The following SPIDR variants were observed in gnomAD, a reference collection of about 807,000 sequenced individuals.
SPIDR encodes the protein scaffold protein involved in DNA repair.
A neutral mutation model predicts 104.6 loss-of-function variants in SPIDR; 93 were observed. The observed-to-expected ratio is 0.89, with a 90% CI of 0.75 to 1.06. SPIDR has a LOEUF of 1.06. SPIDR is among the 50% of genes least tolerant of loss of function. The pLI, the probability that SPIDR is intolerant of heterozygous loss-of-function variation, is 0.00. For missense variants in SPIDR, 1,154 were observed against 1,111.2 expected (o/e 1.04, Z -0.55); for synonymous variants, 431 against 416.9 (o/e 1.03, Z -0.41).
At chr8:47,585,968 TA>T (rs2060210811) in intron 8 of SPIDR, among the ~76,000 whole-genome samples, 1 of 152,310 alleles carries the variant, frequency 6.6e-6, no homozygotes, top group Admixed American at 6.5e-5. Context: ...ATTCAAACCA[TA>T]GCAACCAAAA....
chr8:47,333,557 C>T (rs2049150981), intron 5 of SPIDR, among the ~76,000 whole-genome samples: 1 of 152,150 alleles, frequency 6.6e-6, no homozygotes, highest in South Asian at 2.1e-4. Flanking sequence ...CCACCTCAGC[C>T]TCCCAAAGTT....
chr8:47,428,646 G>A (rs1320428416), intron 7 of SPIDR, among the ~76,000 whole-genome samples: 2 of 152,072 alleles, frequency 1.3e-5, no homozygotes, highest in South Asian at 2.1e-4. Context: ...TAAGAAATGC[G>A]AATAACACGG....
intron 16 of SPIDR, among the ~76,000 whole-genome samples, chr8:47,722,070 T>C (rs561783940): frequency 2.8e-4 from 43 of 152,360 alleles, no homozygotes; most frequent in African/African-American, 9.6e-4. Context: ...AAGAGTTTTT[T>C]AGTTTTCCTC....
rs997563743 is a variant in SPIDR, at chr8:47,581,639, C to T, written c.1098-14172C>T. On this transcript the variant is annotated intron_variant, in intron 8 of 19. Coordinates refer to ENST00000297423, the MANE Select transcript of SPIDR (RefSeq NM_001080394.4). ...CCCAGAGTTGAAACTGAATTGTAAA[C>T]GACATTATCCCAAGCATGCCTTCCA... 3.9e-5 allele frequency among the ~76,000 whole-genome samples: 6 copies of T among 152,010 alleles called. 1 individual carries two copies. The highest frequency in any genetic ancestry group is 1.4e-4 in the African/African-American group (6 of 41,382).
Position 47,595,520 on chromosome 8 carries a change from G to A in SPIDR, c.1098-291G>A, listed in dbSNP as rs530828234. ...CTGTGACAGTTTTTGTTTATCCTCC[G>A]TATTTCCCCCTGAGGGGTCTTGAGG... On this transcript the variant is annotated intron_variant, in intron 8 of 19. Coordinates refer to ENST00000297423, the MANE Select transcript of SPIDR (RefSeq NM_001080394.4). 7.4e-4 allele frequency among the ~76,000 whole-genome samples: 112 copies of A among 152,216 alleles called. 1 individual carries two copies. The highest frequency in any genetic ancestry group is 2.5e-3 in the African/African-American group (102 of 41,532).
chr8:47,380,844 C>G (rs1310136108), intron 5 of SPIDR, among the ~76,000 whole-genome samples: 1 of 152,152 alleles, frequency 6.6e-6, no homozygotes, highest in Non-Finnish European at 1.5e-5. Flanking sequence ...CTCTCACTAG[C>G]TGGCTGATTT....
At chr8:47,385,094 A>G (rs1038924901) in intron 5 of SPIDR, among the ~76,000 whole-genome samples, 2 of 152,120 alleles carry the variant, frequency 1.3e-5, no homozygotes, top group Non-Finnish European at 2.9e-5. Context: ...AAAAATACAT[A>G]CTTATGGAAA....
chr8:47,710,220 A>C (rs2081656691), intron 14 of SPIDR, among the ~76,000 whole-genome samples: 1 of 152,014 alleles, frequency 6.6e-6, no homozygotes, highest in Admixed American at 6.6e-5. Flanking sequence ...GTACTGCTTT[A>C]ATTAGTTACT....
intron 8 of SPIDR, among the ~76,000 whole-genome samples, chr8:47,563,408 AGCTATTCTTC>A (rs990111260): frequency 2.0e-5 from 3 of 152,100 alleles, no homozygotes; most frequent in African/African-American, 7.2e-5. Context: ...CCAGGATTCA[AGCTATTCTTC>A]GCCTCAGCCT....
chr8:47,700,712 C>T (rs898022761), intron 12 of SPIDR, among the ~76,000 whole-genome samples: 1 of 152,218 alleles, frequency 6.6e-6, no homozygotes, highest in Non-Finnish European at 1.5e-5. Flanking sequence ...TACTGTGCTG[C>T]ACAGCATTTT....
rs551252873 is a variant in SPIDR at position 47,489,252 on chromosome 8, G to A, written c.1097+48710G>A. On this transcript the variant is annotated intron_variant, in intron 8 of 19. Transcript: ENST00000297423. ...AATCATGAGTGAACTCCCATTCACAGTTGCTTCAAAAAGAATAAAATACCT... is the reference window on the plus strand; with the variant it reads ...AATCATGAGTGAACTCCCATTCACAATTGCTTCAAAAAGAATAAAATACCT... 7.2e-5 allele frequency among the ~76,000 whole-genome samples: 11 copies of A among 152,268 alleles called. No homozygotes were observed. In the East Asian group the frequency reaches 7.7e-4, roughly 11 times the overall value.
chr8:47,348,279 ACT>A (rs1554619736), intron 5 of SPIDR, among the ~76,000 whole-genome samples: 1 of 151,986 alleles, frequency 6.6e-6, no homozygotes, highest in East Asian at 1.9e-4. Context: ...ATTGGCCCCC[ACT>A]CTCTTCTGAC....
chr8:47,562,090 A>G (rs1247509258), intron 8 of SPIDR, among the ~76,000 whole-genome samples: 3 of 152,152 alleles, frequency 2.0e-5, no homozygotes, highest in Non-Finnish European at 4.4e-5. Context: ...CTTTATATGT[A>G]TCTTAGAGTG....
intron 1 of SPIDR, among the ~76,000 whole-genome samples, chr8:47,264,815 T>G (rs915617496): frequency 9.9e-5 from 15 of 152,040 alleles, no homozygotes; most frequent in Non-Finnish European, 1.3e-4. Context: ...TGGGTTGATG[T>G]GAGGATTAAA....
In SPIDR at chr8:47,687,758, G is replaced by T. The variant is rs907915732; in HGVS notation, c.1686-12645G>T. On this transcript the variant is annotated intron_variant, in intron 11 of 19. Transcript: ENST00000297423. Reference sequence around the variant, plus strand: ...TTTCTTTACAGTTATACTACTTTTTGTACATCTTTAGAAATATATTTAGGC... The same window carrying T: ...TTTCTTTACAGTTATACTACTTTTTTTACATCTTTAGAAATATATTTAGGC... 2.6e-5 allele frequency among the ~76,000 whole-genome samples: 4 copies of T among 152,008 alleles called. No homozygotes were observed. The East Asian group carries it at 5.8e-4, about 22-fold the overall frequency.
At chr8:47,706,438 C>T (rs1383596803) in intron 14 of SPIDR, among the ~76,000 whole-genome samples, 1 of 152,062 alleles carries the variant, frequency 6.6e-6, no homozygotes, top group African/African-American at 2.4e-5. Context: ...AGGAACAATC[C>T]ATGGAGCACA....
intron 5 of SPIDR, among the ~76,000 whole-genome samples, chr8:47,313,356 G>A (rs188972264): frequency 8.5e-4 from 129 of 152,226 alleles, no homozygotes; most frequent in African/African-American, 2.7e-3. Context: ...AACTTACAAG[G>A]GACGTGAAGG....
chr8:47,713,217 C>T, intron 15 of SPIDR: 1 of 596,432 alleles, frequency 1.7e-6, no homozygotes, highest in Non-Finnish European at 2.8e-6. Flanking sequence ...AAAATCCTGC[C>T]TCAGCTATCT....
intron 8 of SPIDR, among the ~76,000 whole-genome samples, chr8:47,490,881 GAT>G (rs1278538553): frequency 6.6e-6 from 1 of 152,136 alleles, no homozygotes; most frequent in Admixed American, 6.6e-5. Context: ...AGCATTATGA[GAT>G]ATACCTAATG....
Sources: gnomAD v4.1 joint callset for allele counts (sites outside exome capture counted in the v4.1 genomes callset) on GRCh38, gnomAD v4.1.1 for gene constraint, MANE v1.5 for transcripts, NCBI Gene and HGNC (gene_info 2026-07-23, HGNC 2026-07-21) for gene names.